The following SH2D4B variants were observed in gnomAD, a reference collection of about 807,000 sequenced individuals.
SH2D4B encodes SH2 domain containing 4B.
Under a neutral mutation model 61.5 loss-of-function variants are expected in SH2D4B, and 45 were observed. That is an observed-to-expected ratio of 0.73 (90% confidence interval 0.58 to 0.94). The LOEUF is 0.94. Ranked by LOEUF, SH2D4B falls within the 40% of genes least tolerant of loss-of-function variation. SH2D4B has a pLI of 0.00. For missense variants in SH2D4B, 572 were observed against 574.2 expected (o/e 1.00, Z 0.04); for synonymous variants, 224 against 220.4 (o/e 1.02, Z -0.14).
intron 1 of SH2D4B, among the ~76,000 whole-genome samples, chr10:80,555,941 C>T (rs1564767451): frequency 6.6e-6 from 1 of 152,162 alleles, no homozygotes; most frequent in South Asian, 2.1e-4. Flanking sequence ...ATGCAGTGAC[C>T]TTGCAGCTGG....
chr10:80,588,501 G>A (rs1035452830), intron 3 of SH2D4B, 129 bp from the exon 4 acceptor site: 2 of 1,177,628 alleles, frequency 1.7e-6, no homozygotes, highest in Non-Finnish European at 2.4e-6. Context: ...ATACATGTAG[G>A]GACTGAGGCT....
intron 3 of SH2D4B, among the ~76,000 whole-genome samples, chr10:80,578,203 T>C (rs541877807): frequency 3.9e-5 from 6 of 152,142 alleles, no homozygotes; most frequent in Non-Finnish European, 8.8e-5. Context: ...ATTTCTGAGC[T>C]CAAGCAATCC....
At chr10:80,627,730 G>A (rs1246132619) in intron 6 of SH2D4B, among the ~76,000 whole-genome samples, 5 of 150,420 alleles carry the variant, frequency 3.3e-5, no homozygotes, top group African/African-American at 9.7e-5. Flanking sequence ...TGACTCCCAG[G>A]TGCCAAGTTT....
chr10:80,588,760 G>GA lies in SH2D4B; in HGVS notation c.627dup (p.Glu210ArgfsTer13). 1 of 1,614,030 alleles carries GA rather than the reference G, an allele frequency of 6.2e-7. No individual in the cohort carries two copies. The highest frequency in any genetic ancestry group is 1.7e-4 in the Middle Eastern group (1 of 6,056). On this transcript the variant is annotated frameshift_variant, in exon 4 of 8. Coordinates refer to ENST00000646907, the MANE Select transcript of SH2D4B (RefSeq NM_001388272.1). LOFTEE classifies it high-confidence loss of function. ...TGCCAAGCCAGTGAGAAAGAGGAGC[G>GA]AGAGTGGGAAGAACAGTGTGAGTAG...
chr10:80,609,294 T>G (rs562104117), intron 5 of SH2D4B, 130 bp from the exon 6 acceptor site: 11 of 543,282 alleles, frequency 2.0e-5, no homozygotes, highest in South Asian at 5.9e-5. Context: ...CTGCCCCTTC[T>G]TCCACCCCCC....
chr10:80,568,203 G>T (rs2132116446), intron 1 of SH2D4B, among the ~76,000 whole-genome samples: 1 of 152,136 alleles, frequency 6.6e-6, no homozygotes, highest in East Asian at 1.9e-4. Context: ...TCTCCAAGGA[G>T]TACAGACAGG....
intron 3 of SH2D4B, among the ~76,000 whole-genome samples, chr10:80,587,828 G>C (rs1220647036): frequency 6.6e-6 from 1 of 152,148 alleles, no homozygotes; most frequent in African/African-American, 2.4e-5. Context: ...CCACTTATAA[G>C]TGAGAACATG....
At chr10:80,560,917 T>A (rs1423109887) in intron 1 of SH2D4B, among the ~76,000 whole-genome samples, 1 of 152,144 alleles carries the variant, frequency 6.6e-6, no homozygotes, top group African/African-American at 2.4e-5. Context: ...AGTGAGTGAA[T>A]CTTTGGTGGT....
intron 5 of SH2D4B, among the ~76,000 whole-genome samples, chr10:80,606,751 A>G (rs1394218012): frequency 6.6e-6 from 1 of 152,180 alleles, no homozygotes; most frequent in East Asian, 1.9e-4. Flanking sequence ...AGCTGCTCAC[A>G]TATCTTTTTA....
Position 80,546,302 on chromosome 10 carries a change from C to T in SH2D4B, c.184+7787C>T, listed in dbSNP as rs1364228229. ...GGCTCAAGCAATCCACCAGCCTTGG[C>T]CTCCTAAAGTGCTGGGATTATAGGT... On this transcript the variant is annotated intron_variant, in intron 1 of 7. Transcript: ENST00000646907. Among the ~76,000 whole-genome samples, 9 of 152,084 alleles carry T rather than the reference C, an allele frequency of 5.9e-5. No individual in the cohort carries two copies. In the East Asian group the frequency reaches 1.7e-3, roughly 29 times the overall value.
At chr10:80,547,142 G>A (rs945819730) in intron 1 of SH2D4B, among the ~76,000 whole-genome samples, 3 of 152,092 alleles carry the variant, frequency 2.0e-5, no homozygotes, top group African/African-American at 7.2e-5. Context: ...TCCCTCTGAG[G>A]GGCAGTGATA....
chr10:80,570,354 AT>A, intron 2 of SH2D4B, 38 bp downstream of exon 2: 2 of 1,606,834 alleles, frequency 1.2e-6, no homozygotes, highest in Non-Finnish European at 1.7e-6. Flanking sequence ...GGGCCTAGGC[AT>A]GGAAGCTATG....
chr10:80,554,941 G>A (rs1468392716), intron 1 of SH2D4B, among the ~76,000 whole-genome samples: 2 of 149,818 alleles, frequency 1.3e-5, no homozygotes, highest in Non-Finnish European at 3.0e-5. Flanking sequence ...CCCAGGAGGC[G>A]GAGGTTGCAG....
chr10:80,628,827 C>T (rs915861611), intron 6 of SH2D4B, among the ~76,000 whole-genome samples: 5 of 151,890 alleles, frequency 3.3e-5, no homozygotes, highest in African/African-American at 9.7e-5. Flanking sequence ...GGAGTTTGAC[C>T]ACCACCAGCT....
rs144209192 is a variant in SH2D4B at position 80,569,844 on chromosome 10, G to C, written c.185-310G>C. ...TATCACTGCAGGGGCCGGGAGGTTA[G>C]GAGTAAGTTGGAGCTAGTCATGCTC... On this transcript the variant is annotated intron_variant, in intron 1 of 7. Transcript: ENST00000646907. 1.6e-3 allele frequency among the ~76,000 whole-genome samples: 251 copies of C among 152,324 alleles called. 1 individual carries two copies. Among genetic ancestry groups the C allele is most frequent in the African/African-American group, 5.9e-3 (245 of 41,566 alleles).
intron 2 of SH2D4B, 21 bp downstream of exon 2, chr10:80,570,337 T>C (rs1203261811): frequency 3.1e-6 from 5 of 1,610,960 alleles, no homozygotes; most frequent in East Asian, 2.2e-5. Flanking sequence ...CTATGGGGTG[T>C]TGGGTGGGGC....
chr10:80,590,807 G>A (rs1189318186), intron 4 of SH2D4B, among the ~76,000 whole-genome samples: 2 of 151,842 alleles, frequency 1.3e-5, no homozygotes, highest in Admixed American at 6.6e-5. Flanking sequence ...TGCAATCATC[G>A]CCACTAATTC....
rs144573165 is a variant in SH2D4B, at chr10:80,612,543, A to G, written c.988+2992A>G. Among the ~76,000 whole-genome samples, 1,276 of 152,260 alleles carry G rather than the reference A, an allele frequency of 8.4e-3. 7 individuals are homozygous for G. The highest frequency in any genetic ancestry group is 0.013 in the Non-Finnish European group (904 of 68,018). On this transcript the variant is annotated intron_variant, in intron 6 of 7. Transcript: ENST00000646907. Reference sequence around the variant, plus strand: ...GAAGCATGCCAGGCTCTTGAGCCCTATTCTTAGAGCCAGCACCTTGTCACT... The same window carrying G: ...GAAGCATGCCAGGCTCTTGAGCCCTGTTCTTAGAGCCAGCACCTTGTCACT...
intron 4 of SH2D4B, among the ~76,000 whole-genome samples, chr10:80,592,062 T>A (rs1338553377): frequency 6.6e-5 from 10 of 152,200 alleles, no homozygotes; most frequent in Non-Finnish European, 2.9e-5. Flanking sequence ...ATTTTTTGTG[T>A]TTTTTATTAT....
Sources: allele counts gnomAD v4.1 joint callset (sites outside exome capture counted in the v4.1 genomes callset), GRCh38; gene constraint gnomAD v4.1.1; transcripts MANE v1.5; gene names NCBI Gene and HGNC (gene_info 2026-07-23, HGNC 2026-07-21).